Variants in PTPRD observed in about 807,000 individuals in gnomAD.
The protein encoded by PTPRD is receptor-type tyrosine-protein phosphatase delta.
In PTPRD, 34 loss-of-function variants were observed where a neutral mutation model predicts 214.5. That is an observed-to-expected ratio of 0.16 (90% confidence interval 0.12 to 0.21). The LOEUF (loss-of-function observed/expected upper bound fraction) is 0.21, where lower values mean the gene tolerates loss of function less well. Among genes scored for constraint, PTPRD ranks in the 10% least tolerant of loss-of-function variants. The pLI, the probability that PTPRD is intolerant of heterozygous loss-of-function variation, is 1.00. For synonymous variants in PTPRD, 1,128 were observed against 845.7 expected, an observed-to-expected ratio of 1.33 and a Z score of -5.79; for missense variants, 2,545 against 2,398.7, an observed-to-expected ratio of 1.06 and a Z score of -1.27.
intron 3 of PTPRD, among the ~76,000 whole-genome samples, chr9:10,070,939 TGGTAATTA>T: frequency 6.6e-6 from 1 of 151,938 alleles, no homozygotes; most frequent in Non-Finnish European, 1.5e-5. Context: ...TCAGGACAAA[TGGTAATTA>T]GGGAAACATC....
chr9:10,407,624 T>A (rs2098385060), intron 2 of PTPRD, among the ~76,000 whole-genome samples: 1 of 151,516 alleles, frequency 6.6e-6, no homozygotes, highest in African/African-American at 2.4e-5. Flanking sequence ...TCCCAGTGAT[T>A]TGGCCAATAC....
intron 11 of PTPRD, among the ~76,000 whole-genome samples, chr9:8,795,672 T>C (rs974754505): frequency 6.6e-6 from 1 of 152,234 alleles, no homozygotes; most frequent in African/African-American, 2.4e-5. Flanking sequence ...CACGTAAGAA[T>C]AGATTGCAAT....
chr9:10,074,720 T>C lies in PTPRD; in HGVS notation c.-544-40930A>G, dbSNP rs114321776. ...AAAGAGTGGGCTCCTGTGAACTTCC[T>C]GCACATGTTGTGCATTCAGCTTATG... On this transcript the variant is annotated intron_variant, in intron 3 of 45. Coordinates refer to ENST00000381196, the MANE Select transcript of PTPRD (RefSeq NM_002839.4). Among the ~76,000 whole-genome samples, 383 of 152,132 alleles carry C rather than the reference T, an allele frequency of 2.5e-3. 3 individuals carry two copies. Among genetic ancestry groups the C allele is most frequent in the African/African-American group, 8.9e-3 (371 of 41,540 alleles).
At chr9:9,156,941 T>A (rs2099881706) in intron 10 of PTPRD, among the ~76,000 whole-genome samples, 1 of 152,204 alleles carries the variant, frequency 6.6e-6, no homozygotes, top group African/African-American at 2.4e-5. Context: ...GGCAGTTGCT[T>A]CTTAGGAACA....
chr9:8,493,512 T>C (rs181160993), intron 26 of PTPRD, among the ~76,000 whole-genome samples: 3 of 152,336 alleles, frequency 2.0e-5, no homozygotes, highest in Middle Eastern at 3.4e-3. Context: ...TTTATCACTA[T>C]AGACGAATTT....
At chr9:8,771,180 C>CAAAAAAAAAAAAAAAAAA (rs35840345) in intron 11 of PTPRD, among the ~76,000 whole-genome samples, 1 of 141,122 alleles carries the variant, frequency 7.1e-6, no homozygotes, top group African/African-American at 2.7e-5. Flanking sequence ...GATTCCGTCT[C>CAAAAAAAAAAAAAAAAAA]AAAAAAAAAA....
chr9:9,962,391 CCTAT>C (rs1480935790), intron 4 of PTPRD, among the ~76,000 whole-genome samples: 1 of 152,010 alleles, frequency 6.6e-6, no homozygotes, highest in Non-Finnish European at 1.5e-5. Context: ...AATTTGATTT[CCTAT>C]CTATCCAGCT....
intron 8 of PTPRD, among the ~76,000 whole-genome samples, chr9:9,486,529 T>C (rs1555467809): frequency 6.6e-6 from 1 of 152,108 alleles, no homozygotes; most frequent in African/African-American, 2.4e-5. Context: ...CTCCCTCATC[T>C]CTATCGCTGC....
At chr9:10,330,842 C>A (rs182676579) in intron 3 of PTPRD, among the ~76,000 whole-genome samples, 1 of 151,838 alleles carries the variant, frequency 6.6e-6, no homozygotes, top group Non-Finnish European at 1.5e-5. Context: ...CCTTCTCATA[C>A]TTCTCAAATT....
At chr9:9,411,506 T>A (rs2075423545) in intron 8 of PTPRD, among the ~76,000 whole-genome samples, 1 of 152,182 alleles carries the variant, frequency 6.6e-6, no homozygotes, top group Admixed American at 6.5e-5. Flanking sequence ...CTCTAAAATA[T>A]GGTTGGATGT....
chr9:8,329,843 C>T (rs1050360415), intron 44 of PTPRD, among the ~76,000 whole-genome samples: 1 of 152,152 alleles, frequency 6.6e-6, no homozygotes, highest in East Asian at 1.9e-4. Context: ...CTAGCCTCAG[C>T]AATGGCAGAT....
chr9:9,491,854 A>C (rs1053721843), intron 8 of PTPRD, among the ~76,000 whole-genome samples: 12 of 152,038 alleles, frequency 7.9e-5, no homozygotes, highest in African/African-American at 2.4e-4. Context: ...AAAGAAGAAC[A>C]AGCTACACCC....
chr9:10,060,045 C>T (rs996291619), intron 3 of PTPRD, among the ~76,000 whole-genome samples: 1 of 152,006 alleles, frequency 6.6e-6, no homozygotes, highest in East Asian at 1.9e-4. Flanking sequence ...AGGTTAGATG[C>T]TTCCGATATT....
chr9:9,254,069 C>G (rs2099976646), intron 9 of PTPRD, among the ~76,000 whole-genome samples: 1 of 152,080 alleles, frequency 6.6e-6, no homozygotes, highest in Non-Finnish European at 1.5e-5. Context: ...TTAGGCCCCA[C>G]CTGGAAAATC....
At chr9:10,260,962 GTA>G (rs953084732) in intron 3 of PTPRD, among the ~76,000 whole-genome samples, 174 of 147,440 alleles carry the variant, frequency 1.2e-3, no homozygotes, top group African/African-American at 4.0e-3. Flanking sequence ...ATGTGTGTGT[GTA>G]TATATATATG....
intron 5 of PTPRD, among the ~76,000 whole-genome samples, chr9:9,922,249 G>A (rs1260472217): frequency 6.6e-6 from 1 of 152,054 alleles, no homozygotes; most frequent in Non-Finnish European, 1.5e-5. Context: ...TCTACAGTGG[G>A]CAATTACCTC....
intron 43 of PTPRD, among the ~76,000 whole-genome samples, chr9:8,335,607 A>G (rs28891834): frequency 0.52 from 78,666 of 151,852 alleles, 21,038 homozygotes; most frequent in Non-Finnish European, 0.59. Context: ...CTCTCTCACC[A>G]CTCCTATTCA....
At chr9:10,357,086 T>G (rs1019336282) in intron 2 of PTPRD, among the ~76,000 whole-genome samples, 3 of 152,296 alleles carry the variant, frequency 2.0e-5, no homozygotes, top group African/African-American at 7.2e-5. Flanking sequence ...TTAGTGTTTA[T>G]GTCTTTAAAA....
chr9:8,429,711 T>C (rs2031219), intron 35 of PTPRD, among the ~76,000 whole-genome samples: 82,657 of 151,826 alleles, frequency 0.54, 22,885 homozygotes, highest in East Asian at 0.74. Context: ...TGCTGAATGG[T>C]GGGAGACATG....
Sources: allele counts gnomAD v4.1 joint callset (sites outside exome capture counted in the v4.1 genomes callset), GRCh38; gene constraint gnomAD v4.1.1; transcripts MANE v1.5; gene names NCBI Gene and HGNC (gene_info 2026-07-23, HGNC 2026-07-21).